Variants in C11orf65 observed in about 807,000 individuals in gnomAD.
The protein encoded by C11orf65 is protein MFI.
In C11orf65, 38 loss-of-function variants were observed where a neutral mutation model predicts 35.3. The observed-to-expected ratio is 1.08, with a 90% confidence interval of 0.83 to 1.41. The LOEUF is 1.41. Among genes scored for constraint, C11orf65 ranks in the 40% most tolerant of loss-of-function variants. The probability of loss-of-function intolerance (pLI) is 0.00; values close to 1 mark genes in which losing one functional copy is unlikely to be tolerated. For synonymous variants in C11orf65, 105 were observed against 114.4 expected, an observed-to-expected ratio of 0.92 and a Z score of 0.53; for missense variants, 370 against 367.1, an observed-to-expected ratio of 1.01 and a Z score of -0.06.
chr11:108,456,665 C>G (rs2093414265), intron 2 of C11orf65, among the ~76,000 whole-genome samples: 1 of 150,978 alleles, frequency 6.6e-6, no homozygotes, highest in South Asian at 2.1e-4. Flanking sequence ...ACCTGTAGTC[C>G]AAACAGGAGG....
intron 2 of C11orf65, among the ~76,000 whole-genome samples, chr11:108,443,269 A>T (rs1182520145): frequency 6.6e-6 from 1 of 152,224 alleles, no homozygotes; most frequent in Non-Finnish European, 1.5e-5. Flanking sequence ...CAACAAGAAG[A>T]GCTAACTATC....
intron 6 of C11orf65, among the ~76,000 whole-genome samples, chr11:108,323,837 T>A (rs1591120440): frequency 6.6e-6 from 1 of 152,186 alleles, no homozygotes; most frequent in Non-Finnish European, 1.5e-5. Flanking sequence ...ATTCCATTCA[T>A]ATACATCAAC....
chr11:108,428,124 C>T (rs533123053), intron 3 of C11orf65, among the ~76,000 whole-genome samples: 2 of 152,130 alleles, frequency 1.3e-5, no homozygotes, highest in South Asian at 2.1e-4. Context: ...CCACCGCGCC[C>T]ACCCAGAATG....
At chr11:108,461,910 C>T (rs969480839) in intron 1 of C11orf65, among the ~76,000 whole-genome samples, 5 of 151,788 alleles carry the variant, frequency 3.3e-5, no homozygotes, top group East Asian at 1.9e-4. Flanking sequence ...CGTGAGCCAC[C>T]GCGCCCAGCC....
At chr11:108,437,597 G>C (rs192014273) in intron 2 of C11orf65, among the ~76,000 whole-genome samples, 1 of 150,408 alleles carries the variant, frequency 6.6e-6, no homozygotes, top group African/African-American at 2.4e-5. Context: ...CCAGCTACTC[G>C]GGAGGCTGAG....
chr11:108,451,578 G>A (rs1415244135), intron 2 of C11orf65, among the ~76,000 whole-genome samples: 1 of 151,906 alleles, frequency 6.6e-6, no homozygotes, highest in Non-Finnish European at 1.5e-5. Flanking sequence ...TGGCCACACT[G>A]CCCAAGGTAA....
At position 108,318,485 on chromosome 11, in the gene C11orf65, T is replaced by G. The variant is rs143592886; in HGVS notation, c.641-9414A>C. ...CAGATGGATCACTTGAGATCAGGAGTTTGAGACCAGCCGGGCCAACATGGT... is the reference window on the plus strand; with the variant it reads ...CAGATGGATCACTTGAGATCAGGAGGTTGAGACCAGCCGGGCCAACATGGT... On this transcript the variant is annotated intron_variant, in intron 6 of 6. Coordinates refer to the C11orf65 transcript ENST00000525729. Among the ~76,000 whole-genome samples, 1,245 of 151,910 alleles carry G rather than the reference T, an allele frequency of 8.2e-3. 10 individuals are homozygous for G. Among genetic ancestry groups the G allele is most frequent in the African/African-American group, 0.026 (1,065 of 41,420 alleles).
chr11:108,331,311 A>C, downstream of C11orf65: 8 of 1,448,286 alleles, frequency 5.5e-6, no homozygotes, highest in Non-Finnish European at 7.3e-6. Flanking sequence ...GAAGGAAAAC[A>C]ATATAGTTAG....
intron 2 of C11orf65, among the ~76,000 whole-genome samples, chr11:108,446,414 T>C (rs1403077195): frequency 2.0e-4 from 30 of 151,702 alleles, no homozygotes; most frequent in South Asian, 1.9e-3. Context: ...GGGAAGCCCA[T>C]CAGACTAACA....
intron 8 of C11orf65, among the ~76,000 whole-genome samples, chr11:108,384,159 GTC>G (rs1462308657): frequency 6.6e-6 from 1 of 152,134 alleles, no homozygotes; most frequent in African/African-American, 2.4e-5. Flanking sequence ...ATTGTGCTGG[GTC>G]TCTGTGCTGA....
At position 108,320,049 on chromosome 11, in the gene C11orf65, A is replaced by G. The variant is rs730881382; in HGVS notation, c.641-10978T>C. On this transcript the variant is annotated intron_variant, in intron 6 of 6. Transcript: ENST00000525729. The stretch of plus-strand genomic sequence containing the variant: ...TTCTCTACATTTTATGAAAGTCTCA[A>G]ATATGCCAGGTATTATGAAAAGACA... 18 of 1,589,528 alleles carry G rather than the reference A, an allele frequency of 1.1e-5. No homozygotes were observed. In the African/African-American group the frequency reaches 1.5e-4, roughly 13 times the overall value.
In C11orf65 at chr11:108,393,422, G is replaced by C. The variant is rs773023347; in HGVS notation, c.561-44C>G. The C allele has an allele frequency of 1.0e-5, 16 of 1,531,198 alleles. 1 individual carries two copies. The South Asian group carries it at 1.8e-4, about 17-fold the overall frequency. 94.9% of individuals were successfully genotyped at this position (1,531,198 alleles called of 1,614,324 possible). A position where few individuals can be genotyped will look rare whatever the true frequency, so the allele number is the denominator to read the frequency against. ...AAGAGAAGTAAATCTTTTGAAATAG[G>C]AGATTACAAGTAGATACAGGCAATA... On this transcript the variant is annotated intron_variant, in intron 6 of 8. Transcript: ENST00000393084.
chr11:108,464,009 C>T (rs1221944533), intron 1 of C11orf65, among the ~76,000 whole-genome samples: 1 of 150,960 alleles, frequency 6.6e-6, no homozygotes, highest in African/African-American at 2.4e-5. Context: ...TCACTGCAAC[C>T]TCCACCTCCC....
intron 3 of C11orf65, among the ~76,000 whole-genome samples, chr11:108,415,461 T>G (rs1380730182): frequency 1.3e-5 from 2 of 152,114 alleles, no homozygotes; most frequent in Non-Finnish European, 2.9e-5. Flanking sequence ...CAAAGAAGAT[T>G]TAAATGAATG....
intron 7 of C11orf65, among the ~76,000 whole-genome samples, chr11:108,390,705 A>T (rs2092140104): frequency 1.3e-5 from 2 of 152,162 alleles, no homozygotes; most frequent in Admixed American, 6.5e-5. Flanking sequence ...AGTAAAAGCA[A>T]GGCATTGCAG....
intron 7 of C11orf65, among the ~76,000 whole-genome samples, chr11:108,388,166 G>A (rs1168355461): frequency 2.0e-5 from 3 of 152,142 alleles, no homozygotes; most frequent in African/African-American, 4.8e-5. Context: ...GACCTTGATC[G>A]ATAGTGTGCT....
intron 2 of C11orf65, among the ~76,000 whole-genome samples, chr11:108,455,896 G>A (rs1283398686): frequency 1.3e-5 from 2 of 150,842 alleles, no homozygotes; most frequent in African/African-American, 4.9e-5. Context: ...GTTCATGCCT[G>A]TAATCCCAGA....
chr11:108,435,323 C>T (rs1404081429), intron 2 of C11orf65, among the ~76,000 whole-genome samples: 4 of 150,506 alleles, frequency 2.7e-5, no homozygotes, highest in Admixed American at 6.6e-5. Context: ...AATAAACCAA[C>T]ATGAAAAAAA....
At position 108,365,388 on chromosome 11, in the gene C11orf65, G is replaced by A. The variant is rs1467393169; in HGVS notation, c.226+27820C>T. The A allele has an allele frequency of 6.2e-7, 1 of 1,614,186 alleles. No individual in the cohort carries two copies. The highest frequency in any genetic ancestry group is 2.2e-5 in the East Asian group (1 of 44,872). Reference sequence around the variant, plus strand: ...TCTTAATGAGACTACAAGAGAAACTGAAAGGAGTGGAAGAAGGCACTGTGC... The same window carrying A: ...TCTTAATGAGACTACAAGAGAAACTAAAAGGAGTGGAAGAAGGCACTGTGC... On this transcript the variant is annotated intron_variant, in intron 2 of 3. Transcript: ENST00000524755.
Sources: gnomAD v4.1 joint callset for allele counts (sites outside exome capture counted in the v4.1 genomes callset) on GRCh38, gnomAD v4.1.1 for gene constraint, MANE v1.5 for transcripts, NCBI Gene and HGNC (gene_info 2026-07-23, HGNC 2026-07-21) for gene names.